Variants in PUM1 observed in about 807,000 individuals in gnomAD.
The protein encoded by PUM1 is pumilio homolog 1.
In PUM1, 13 loss-of-function variants were observed where a neutral mutation model predicts 131.8. The ratio of observed to expected loss-of-function variants is 0.10; its 90% CI spans 0.06 to 0.16. The LOEUF is 0.16. Ranked by LOEUF, PUM1 falls within the 10% of genes least tolerant of loss-of-function variation. The pLI is 1.00. For missense variants in PUM1, 961 were observed against 1,512.4 expected, an observed-to-expected ratio of 0.64 and a Z score of 6.05; for synonymous variants, 509 against 556.5, an observed-to-expected ratio of 0.91 and a Z score of 1.20.
intron 17 of PUM1, among the ~76,000 whole-genome samples, chr1:30,945,842 G>C (rs1362662869): frequency 6.6e-6 from 1 of 152,158 alleles, no homozygotes; most frequent in Non-Finnish European, 1.5e-5. Context: ...CTAGAGTACA[G>C]TGGTACAATC....
At chr1:31,054,183 T>A (rs913568693) in intron 2 of PUM1, among the ~76,000 whole-genome samples, 16 of 145,698 alleles carry the variant, frequency 1.1e-4, no homozygotes, top group Admixed American at 6.9e-4. Context: ...AAAGATGAGC[T>A]AGGTGTTGTG....
chr1:31,021,965 C>A (rs942452808), intron 3 of PUM1, among the ~76,000 whole-genome samples: 2 of 151,376 alleles, frequency 1.3e-5, no homozygotes, highest in Admixed American at 6.6e-5. Flanking sequence ...AAAAAGGCAT[C>A]ATAATATTGC....
chr1:31,007,166 C>T, intron 3 of PUM1, 64 bp from the exon 4 acceptor site: 1 of 1,265,018 alleles, frequency 7.9e-7, no homozygotes, highest in Non-Finnish European at 1.1e-6. Flanking sequence ...CAGCAGTCAA[C>T]ACTTTCTTTT....
chr1:30,966,125 T>C lies in PUM1; in HGVS notation c.1943A>G (p.Asn648Ser), dbSNP rs367817729. The C allele has an allele frequency of 6.2e-7, 1 of 1,614,168 alleles. No homozygotes were observed. The highest frequency in any genetic ancestry group is 1.1e-5 in the South Asian group (1 of 91,078). ...NNLASSSFYG[N>S]NSLNSNSQSS... is the part of the protein sequence containing the mutation. ...CTGTGAATTGCTGTTCAGAGAGTTGTTGCCGTAGAAAGAACTGGATGCCAG... is the reference window on the plus strand; with the variant it reads ...CTGTGAATTGCTGTTCAGAGAGTTGCTGCCGTAGAAAGAACTGGATGCCAG... Residue 648 changes from asparagine to serine, a missense_variant, in exon 13 of 22, where the codon AAC becomes AGC. Asn to Ser is a conservative substitution (Grantham distance 46). This residue lies in a region of PUM1 where 654 missense variants were observed against 923.9 expected (regional missense o/e 0.71). Transcript: ENST00000426105.
rs917800486 is a variant in PUM1 at position 30,939,953 on chromosome 1, G to A, written c.3242+1198C>T. Among the ~76,000 whole-genome samples the A allele has an allele frequency of 2.6e-5, 4 of 152,040 alleles. No homozygotes were observed. The East Asian group carries it at 7.7e-4, about 29-fold the overall frequency. Reference sequence around the variant, plus strand: ...CCAAGGGTGAGAAATTAAATACTGTGAACAAAAATGTAAACAGGAGACTGA... The same window carrying A: ...CCAAGGGTGAGAAATTAAATACTGTAAACAAAAATGTAAACAGGAGACTGA... On this transcript the variant is annotated intron_variant, in intron 20 of 21. Transcript: ENST00000426105.
chr1:31,010,902 C>T (rs1642587286), intron 3 of PUM1, among the ~76,000 whole-genome samples: 1 of 152,198 alleles, frequency 6.6e-6, no homozygotes, highest in South Asian at 2.1e-4. Context: ...GGCGTGGTGG[C>T]TTACACCTGT....
intron 2 of PUM1, among the ~76,000 whole-genome samples, chr1:31,044,450 A>G (rs560699590): frequency 3.9e-5 from 6 of 152,126 alleles, no homozygotes; most frequent in Non-Finnish European, 8.8e-5. Flanking sequence ...TACATACAAC[A>G]TAGATGAACC....
chr1:31,037,071 G>A (rs1231246232), intron 2 of PUM1: 1 of 154,016 alleles, frequency 6.5e-6, no homozygotes, highest in East Asian at 1.9e-4. Context: ...AGGGGTTAAG[G>A]TCAGAAGAAA....
chr1:30,950,525 G>A (rs1639887972), intron 16 of PUM1, among the ~76,000 whole-genome samples: 1 of 152,196 alleles, frequency 6.6e-6, no homozygotes, highest in Non-Finnish European at 1.5e-5. Flanking sequence ...TATCTGCTAA[G>A]CAAACACATA....
Position 31,023,387 on chromosome 1 carries a change from C to T in PUM1, c.432+5409G>A, listed in dbSNP as rs369696200. Among the ~76,000 whole-genome samples the T allele has an allele frequency of 7.2e-5, 11 of 152,212 alleles. No homozygotes were observed. The East Asian group carries it at 1.2e-3, about 16-fold the overall frequency. ...ATGGCACCCTAATTGCAAAGAACTG[C>T]CAGTGTTAATTTAAGGTAGCCCTCC... On this transcript the variant is annotated intron_variant, in intron 3 of 21. Coordinates refer to ENST00000426105, the MANE Select transcript of PUM1 (RefSeq NM_001020658.2).
intron 14 of PUM1, among the ~76,000 whole-genome samples, chr1:30,959,906 CAAA>C (rs756601320): frequency 5.7e-5 from 5 of 87,004 alleles, no homozygotes; most frequent in Admixed American, 2.6e-4. Flanking sequence ...GACTCCAGCT[CAAA>C]AAAAAAAAAA....
At chr1:31,038,984 A>ATATATATATATTTTTTTTTTTTTTTTT in intron 2 of PUM1, among the ~76,000 whole-genome samples, 1 of 49,416 alleles carries the variant, frequency 2.0e-5, no homozygotes, top group Admixed American at 2.2e-4. Flanking sequence ...ATATATATAT[A>ATATATATATATTTTTTTTTTTTTTTTT]TTTTTTTTTT....
chr1:31,049,141 G>T (rs966148912), intron 2 of PUM1, among the ~76,000 whole-genome samples: 1 of 151,400 alleles, frequency 6.6e-6, no homozygotes, highest in African/African-American at 2.4e-5. Flanking sequence ...GGAGGAGGAG[G>T]TTGCAGTGAG....
In PUM1 at chr1:30,933,159, C is replaced by T; in HGVS notation, c.*52G>A. On this transcript the variant is annotated 3_prime_UTR_variant, in exon 22 of 22. Transcript: ENST00000426105. ...CATTTCTGGTTGCTGGTTGGATTTG[C>T]CAGTGGGCCAGTGAGGTCAGCGGGA... 6.4e-7 allele frequency: 1 copy of T among 1,562,194 alleles called. No homozygotes were observed. Among genetic ancestry groups the T allele is most frequent in the Middle Eastern group, 1.7e-4 (1 of 5,750 alleles).
chr1:30,981,025 G>A (rs934397552), intron 8 of PUM1, among the ~76,000 whole-genome samples: 1 of 152,174 alleles, frequency 6.6e-6, no homozygotes, highest in Admixed American at 6.5e-5. Context: ...TACCGAAAGA[G>A]CTAATGGTAG....
intron 5 of PUM1, among the ~76,000 whole-genome samples, chr1:30,999,845 A>T (rs764451905): frequency 1.3e-5 from 2 of 152,204 alleles, no homozygotes; most frequent in Admixed American, 6.5e-5. Flanking sequence ...ACGCACTGGG[A>T]TGGTGTTTCT....
Position 30,976,832 on chromosome 1 carries a change from T to TA in PUM1, c.1355-2031dup, listed in dbSNP as rs556880178. 2.4e-3 allele frequency among the ~76,000 whole-genome samples: 334 copies of TA among 141,126 alleles called. 1 individual carries two copies. Among genetic ancestry groups the TA allele is most frequent in the African/African-American group, 5.4e-3 (208 of 38,514 alleles). The allele number at this position is 141,126 out of a possible 152,430, so 92.6% of individuals were successfully genotyped here. A position where few individuals can be genotyped will look rare whatever the true frequency, so the allele number is the denominator to read the frequency against. On this transcript the variant is annotated intron_variant, in intron 9 of 21. Coordinates refer to ENST00000426105, the MANE Select transcript of PUM1 (RefSeq NM_001020658.2). ...GGCCTAAAAGCCATGTATTCAAGTTTAAAAAAAAAAAAAAGAGTGATAGAG... is the reference window on the plus strand; with the variant it reads ...GGCCTAAAAGCCATGTATTCAAGTTTAAAAAAAAAAAAAAAGAGTGATAGAG...
chr1:31,058,558 A>G (rs1557610182), intron 2 of PUM1, among the ~76,000 whole-genome samples: 1 of 151,864 alleles, frequency 6.6e-6, no homozygotes, highest in Non-Finnish European at 1.5e-5. Context: ...GCTACTCGGG[A>G]GGCTGAGGCA....
At position 30,992,791 on chromosome 1, in the gene PUM1, C is replaced by T; in HGVS notation, c.888-131G>A. On this transcript the variant is annotated intron_variant, in intron 6 of 21. Coordinates refer to ENST00000426105, the MANE Select transcript of PUM1 (RefSeq NM_001020658.2). ...ATTTAAAACTATTTCTATAAAATAA[C>T]CAGAGATACTTTACAGGGCTTACAG... 3.8e-6 allele frequency: 3 copies of T among 787,320 alleles called. No homozygotes were observed. In the South Asian group the frequency reaches 5.5e-5, roughly 14 times the overall value. The allele number at this position is 787,320 out of a possible 1,614,324, so 48.8% of individuals were successfully genotyped here. A position where few individuals can be genotyped will look rare whatever the true frequency, so the allele number is the denominator to read the frequency against.
Sources: allele counts gnomAD v4.1 joint callset (sites outside exome capture counted in the v4.1 genomes callset), GRCh38; gene constraint gnomAD v4.1.1; regional missense constraint gnomAD v4.1.1; transcripts MANE v1.5; gene names NCBI Gene and HGNC (gene_info 2026-07-23, HGNC 2026-07-21).